Variants in GPC5 observed in about 807,000 individuals in gnomAD.
GPC5 encodes glypican 5.
GPC5 carries 47 observed loss-of-function variants against 53.9 expected under a neutral mutation model. The observed-to-expected ratio is 0.87, with a 90% confidence interval of 0.69 to 1.11. GPC5 has a LOEUF of 1.11. Ranked by LOEUF, GPC5 falls within the 50% of genes most tolerant of loss-of-function variation. The probability of loss-of-function intolerance (pLI) is 0.00; values close to 1 mark genes in which losing one functional copy is unlikely to be tolerated. For missense variants in GPC5, 748 were observed against 713.1 expected (o/e 1.05, Z -0.56); for synonymous variants, 286 against 263.3 (o/e 1.09, Z -0.84).
intron 3 of GPC5, among the ~76,000 whole-genome samples, chr13:91,714,294 C>T (rs367699568): frequency 1.1e-4 from 16 of 152,160 alleles, no homozygotes; most frequent in African/African-American, 2.9e-4. Flanking sequence ...TTTATATTTT[C>T]GGCAACATTC....
chr13:91,951,374 A>G (rs984804433), intron 6 of GPC5, among the ~76,000 whole-genome samples: 6 of 152,158 alleles, frequency 3.9e-5, no homozygotes, highest in Non-Finnish European at 1.5e-5. Flanking sequence ...TATTATGTAT[A>G]TACAGAAAGA....
intron 7 of GPC5, among the ~76,000 whole-genome samples, chr13:92,752,951 A>G (rs1159431798): frequency 1.3e-5 from 2 of 152,194 alleles, no homozygotes; most frequent in Non-Finnish European, 1.5e-5. Flanking sequence ...TTAGGCAAAC[A>G]AAGCAGCCAG....
chr13:91,804,655 T>C (rs955211712), intron 5 of GPC5, among the ~76,000 whole-genome samples: 2 of 152,198 alleles, frequency 1.3e-5, no homozygotes, highest in African/African-American at 4.8e-5. Context: ...TTCTCGCTAA[T>C]TTTAATGGGT....
intron 7 of GPC5, among the ~76,000 whole-genome samples, chr13:92,859,505 T>G (rs720514): frequency 6.6e-6 from 1 of 152,076 alleles, no homozygotes; most frequent in East Asian, 1.9e-4. Context: ...AAATAAGATA[T>G]AAAATTTTCT....
chr13:92,429,954 T>C (rs763384066), intron 7 of GPC5, among the ~76,000 whole-genome samples: 1 of 152,006 alleles, frequency 6.6e-6, no homozygotes, highest in Non-Finnish European at 1.5e-5. Context: ...ACTTGAAAAT[T>C]GTGAAGAGAG....
intron 7 of GPC5, among the ~76,000 whole-genome samples, chr13:92,244,187 A>G (rs375522533): frequency 2.0e-5 from 3 of 152,198 alleles, no homozygotes; most frequent in Admixed American, 1.3e-4. Flanking sequence ...TAAACTTGTC[A>G]CAGATTACTT....
At chr13:92,591,196 TCA>T (rs1883701523) in intron 7 of GPC5, among the ~76,000 whole-genome samples, 1 of 152,162 alleles carries the variant, frequency 6.6e-6, no homozygotes, top group Non-Finnish European at 1.5e-5. Context: ...TTAGGAAGCT[TCA>T]GTCTCTGATT....
Position 92,216,087 on chromosome 13 carries a change from A to C in GPC5, c.1561+71098A>C, listed in dbSNP as rs535758998. On this transcript the variant is annotated intron_variant, in intron 7 of 7. Transcript: ENST00000377067. ...CAGTTTTAAGCTAAAGGACAGAAAA[A>C]CATCATTCCTGAGATACAGACGGGC... Among the ~76,000 whole-genome samples the C allele has an allele frequency of 1.3e-4, 20 of 152,262 alleles. No individual in the cohort carries two copies. In the East Asian group the frequency reaches 3.5e-3, roughly 27 times the overall value.
At chr13:92,405,418 A>T (rs1207729437) in intron 7 of GPC5, among the ~76,000 whole-genome samples, 1 of 152,232 alleles carries the variant, frequency 6.6e-6, no homozygotes, top group East Asian at 1.9e-4. Flanking sequence ...TTTTTTTGTC[A>T]TCATAATAAC....
chr13:92,791,567 T>G (rs1876465121), intron 7 of GPC5, among the ~76,000 whole-genome samples: 2 of 151,978 alleles, frequency 1.3e-5, no homozygotes, highest in Middle Eastern at 3.2e-3. Context: ...AAAGTAATTC[T>G]GCTTTTTGTT....
Position 92,810,302 on chromosome 13 carries a change from AC to A in GPC5, c.1562-55979del, listed in dbSNP as rs144469995. On this transcript the variant is annotated intron_variant, in intron 7 of 7. Transcript: ENST00000377067. ...TCCCGTATACATCTCTAGGTAAAGCACAGTTTTGTAAAGAATGATCTATGTA... is the reference window on the plus strand; with the variant it reads ...TCCCGTATACATCTCTAGGTAAAGCAAGTTTTGTAAAGAATGATCTATGTA... Among the ~76,000 whole-genome samples, 1,506 of 152,034 alleles carry A rather than the reference AC, an allele frequency of 9.9e-3. 56 individuals are homozygous for A. The highest frequency in any genetic ancestry group is 0.035 in the African/African-American group (1,453 of 41,352).
At chr13:91,615,319 TAGA>T (rs2033666113) in intron 2 of GPC5, among the ~76,000 whole-genome samples, 1 of 152,202 alleles carries the variant, frequency 6.6e-6, no homozygotes, top group African/African-American at 2.4e-5. Flanking sequence ...ACATACTAGT[TAGA>T]AGAAGGAGGG....
Position 92,696,248 on chromosome 13 carries a change from T to C in GPC5, c.1562-170034T>C, listed in dbSNP as rs1887551732. The stretch of plus-strand genomic sequence containing the variant: ...TTGCTTGGTGAAATGGCATTTCTAG[T>C]TCTAGATCCTTGAGGAATCATCCCA... On this transcript the variant is annotated intron_variant, in intron 7 of 7. Coordinates refer to ENST00000377067, the MANE Select transcript of GPC5 (RefSeq NM_004466.6). Among the ~76,000 whole-genome samples, 4 of 152,282 alleles carry C rather than the reference T, an allele frequency of 2.6e-5. No homozygotes were observed. The South Asian group carries it at 8.3e-4, about 32-fold the overall frequency.
At chr13:92,677,680 G>T (rs748465728) in intron 7 of GPC5, among the ~76,000 whole-genome samples, 15 of 152,174 alleles carry the variant, frequency 9.9e-5, no homozygotes, top group Non-Finnish European at 1.9e-4. Context: ...ACGTGCAGAG[G>T]CAAAAGTAGT....
At chr13:92,381,962 G>GTATGTATGTATCTATCTATC (rs1555331686) in intron 7 of GPC5, among the ~76,000 whole-genome samples, 3 of 126,290 alleles carry the variant, frequency 2.4e-5, no homozygotes, top group South Asian at 4.8e-4. Context: ...ATGTATGTAT[G>GTATGTATGTATCTATCTATC]TATCTATCTA....
intron 7 of GPC5, among the ~76,000 whole-genome samples, chr13:92,298,361 A>G (rs944116783): frequency 1.2e-4 from 19 of 152,108 alleles, no homozygotes; most frequent in Non-Finnish European, 8.8e-5. Flanking sequence ...ATCAGTTCAA[A>G]TTGTTACAAA....
chr13:91,619,649 A>G (rs2033798412), intron 2 of GPC5, among the ~76,000 whole-genome samples: 1 of 152,132 alleles, frequency 6.6e-6, no homozygotes. Context: ...TGTCACACAC[A>G]CACAGAAACT....
At chr13:92,753,265 G>A (rs1874676900) in intron 7 of GPC5, among the ~76,000 whole-genome samples, 1 of 152,246 alleles carries the variant, frequency 6.6e-6, no homozygotes. Context: ...CAACAGACCT[G>A]CAGCTGAGGG....
Position 92,568,422 on chromosome 13 carries a change from C to T in GPC5, c.1562-297860C>T, listed in dbSNP as rs568597746. 5.3e-3 allele frequency among the ~76,000 whole-genome samples: 806 copies of T among 152,216 alleles called. 4 individuals are homozygous for T. Among genetic ancestry groups the T allele is most frequent in the South Asian group, 0.013 (64 of 4,824 alleles). The stretch of plus-strand genomic sequence containing the variant: ...CAATTAGATTTAGTATTGCTCAGCA[C>T]GGGAGAATACTTTTTATTTATCCAC... On this transcript the variant is annotated intron_variant, in intron 7 of 7. Transcript: ENST00000377067.
Sources: gnomAD v4.1 joint callset for allele counts (sites outside exome capture counted in the v4.1 genomes callset) on GRCh38, gnomAD v4.1.1 for gene constraint, MANE v1.5 for transcripts, NCBI Gene and HGNC (gene_info 2026-07-23, HGNC 2026-07-21) for gene names.